The following ST6GALNAC3 variants were observed in gnomAD, a reference collection of about 807,000 sequenced individuals.
The protein encoded by ST6GALNAC3 is alpha-N-acetylgalactosaminide alpha-2,6-sialyltransferase 3.
A neutral mutation model predicts 32.7 loss-of-function variants in ST6GALNAC3; 25 were observed. The ratio of observed to expected loss-of-function variants is 0.76; its 90% CI spans 0.56 to 1.07. The LOEUF is 1.07. Ranked by LOEUF, ST6GALNAC3 falls within the 50% of genes least tolerant of loss-of-function variation. ST6GALNAC3 has a pLI of 0.00. For synonymous variants in ST6GALNAC3, 129 were observed against 133.1 expected, an observed-to-expected ratio of 0.97 and a Z score of 0.21; for missense variants, 355 against 382.4, an observed-to-expected ratio of 0.93 and a Z score of 0.60.
chr1:76,556,557 C>G (rs74373558), intron 3 of ST6GALNAC3, among the ~76,000 whole-genome samples: 4,484 of 152,060 alleles, frequency 0.029, 231 homozygotes, highest in African/African-American at 0.1. Flanking sequence ...TATTATCTAT[C>G]ATTCTGATAG....
intron 1 of ST6GALNAC3, among the ~76,000 whole-genome samples, chr1:76,211,479 G>A (rs1218223197): frequency 2.6e-5 from 4 of 152,138 alleles, no homozygotes; most frequent in South Asian, 4.1e-4. Flanking sequence ...ATAAAGACAC[G>A]TGCACATGTA....
intron 3 of ST6GALNAC3, among the ~76,000 whole-genome samples, chr1:76,614,254 A>G (rs1648129333): frequency 6.6e-6 from 1 of 152,166 alleles, no homozygotes; most frequent in Admixed American, 6.5e-5. Flanking sequence ...TAAAGAGACA[A>G]ATTTTGAAAC....
intron 1 of ST6GALNAC3, among the ~76,000 whole-genome samples, chr1:76,285,962 A>G (rs1454509200): frequency 1.3e-5 from 2 of 149,144 alleles, no homozygotes; most frequent in East Asian, 4.0e-4. Flanking sequence ...CAGATACAGG[A>G]AGGCAGAGAG....
chr1:76,195,109 G>A (rs1654122184), intron 1 of ST6GALNAC3, among the ~76,000 whole-genome samples: 1 of 152,202 alleles, frequency 6.6e-6, no homozygotes. Context: ...GATGGCAGAT[G>A]TGAGTTTTAC....
intron 1 of ST6GALNAC3, among the ~76,000 whole-genome samples, chr1:76,261,596 A>G (rs2100729855): frequency 6.6e-6 from 1 of 152,338 alleles, no homozygotes; most frequent in East Asian, 1.9e-4. Context: ...AAAATGAGAA[A>G]AACAGTGCTG....
At chr1:76,423,041 A>C (rs1368781721) in intron 3 of ST6GALNAC3, among the ~76,000 whole-genome samples, 1 of 151,954 alleles carries the variant, frequency 6.6e-6, no homozygotes, top group East Asian at 1.9e-4. Flanking sequence ...TTGAATCAAG[A>C]ATCAACATTT....
intron 3 of ST6GALNAC3, among the ~76,000 whole-genome samples, chr1:76,608,441 T>G (rs1647703234): frequency 1.3e-5 from 2 of 152,176 alleles, no homozygotes; most frequent in South Asian, 4.2e-4. Context: ...TGTTGAGTGG[T>G]GATAAATGTT....
chr1:76,214,166 T>G (rs1655331122), intron 1 of ST6GALNAC3, among the ~76,000 whole-genome samples: 1 of 152,040 alleles, frequency 6.6e-6, no homozygotes, highest in African/African-American at 2.4e-5. Flanking sequence ...CTATTTAAAT[T>G]TAAGTTTAAG....
At chr1:76,094,125 G>A (rs1227166701) in intron 1 of ST6GALNAC3, among the ~76,000 whole-genome samples, 1 of 152,172 alleles carries the variant, frequency 6.6e-6, no homozygotes, top group African/African-American at 2.4e-5. Context: ...ACAGGAACAC[G>A]AGGAAAGCAG....
intron 2 of ST6GALNAC3, among the ~76,000 whole-genome samples, chr1:76,381,168 TAAAAA>T (rs71852050): frequency 2.2e-5 from 2 of 90,292 alleles, no homozygotes; most frequent in Admixed American, 1.3e-4. Flanking sequence ...TTTGGGCTGC[TAAAAA>T]AAAAAAAAAA....
chr1:76,427,600 A>T (rs999137168), intron 3 of ST6GALNAC3, among the ~76,000 whole-genome samples: 1 of 152,038 alleles, frequency 6.6e-6, no homozygotes, highest in African/African-American at 2.4e-5. Context: ...TTGGGGAGGG[A>T]CACTGGTCCA....
intron 1 of ST6GALNAC3, among the ~76,000 whole-genome samples, chr1:76,188,007 A>T (rs1329994637): frequency 6.6e-6 from 1 of 151,512 alleles, no homozygotes; most frequent in Non-Finnish European, 1.5e-5. Context: ...GAACCTGACT[A>T]TTTTTTTTCA....
intron 1 of ST6GALNAC3, among the ~76,000 whole-genome samples, chr1:76,094,746 A>G (rs1410430858): frequency 1.3e-5 from 2 of 152,212 alleles, no homozygotes; most frequent in African/African-American, 4.8e-5. Flanking sequence ...TTTTGCCACC[A>G]CAGAAACTAT....
At chr1:76,182,841 A>AT (rs60876646) in intron 1 of ST6GALNAC3, among the ~76,000 whole-genome samples, 77 of 148,862 alleles carry the variant, frequency 5.2e-4, no homozygotes, top group South Asian at 1.3e-3. Flanking sequence ...TACCTTCATA[A>AT]TTTTTTTTTT....
At chr1:76,277,909 C>A (rs1280175600) in intron 1 of ST6GALNAC3, among the ~76,000 whole-genome samples, 1 of 152,026 alleles carries the variant, frequency 6.6e-6, no homozygotes, top group Non-Finnish European at 1.5e-5. Flanking sequence ...TTACAATGAG[C>A]TTTAAGTCTG....
intron 1 of ST6GALNAC3, among the ~76,000 whole-genome samples, chr1:76,285,754 C>T (rs1345322072): frequency 1.3e-5 from 2 of 151,962 alleles, no homozygotes; most frequent in Admixed American, 1.3e-4. Context: ...TAGATAGATG[C>T]AGAGAGATTG....
chr1:76,448,961 G>A (rs372205105), intron 3 of ST6GALNAC3, among the ~76,000 whole-genome samples: 5 of 151,988 alleles, frequency 3.3e-5, no homozygotes, highest in South Asian at 2.1e-4. Flanking sequence ...TCAGCTTCCC[G>A]TGTAGCTTGT....
chr1:76,278,261 T>G (rs1241307100), intron 1 of ST6GALNAC3, among the ~76,000 whole-genome samples: 5 of 146,816 alleles, frequency 3.4e-5, no homozygotes, highest in African/African-American at 5.1e-5. Context: ...CGCTCTGTCA[T>G]CCCAGGCTGG....
chr1:76,312,940 C>T (rs1435077202), intron 1 of ST6GALNAC3, among the ~76,000 whole-genome samples: 3 of 152,186 alleles, frequency 2.0e-5, no homozygotes, highest in Non-Finnish European at 2.9e-5. Flanking sequence ...TTATCAAGCT[C>T]AATTTCAAAG....
Sources: gnomAD v4.1 joint callset for allele counts (sites outside exome capture counted in the v4.1 genomes callset) on GRCh38, gnomAD v4.1.1 for gene constraint, MANE v1.5 for transcripts, NCBI Gene and HGNC (gene_info 2026-07-23, HGNC 2026-07-21) for gene names.